The following AUTS2 variants were observed in gnomAD, a reference collection of about 807,000 sequenced individuals.
AUTS2 encodes the protein activator of transcription and developmental regulator AUTS2, also known as autism susceptibility gene 2 protein.
Under a neutral mutation model 112.4 loss-of-function variants are expected in AUTS2, and 17 were observed. The ratio of observed to expected loss-of-function variants is 0.15; its 90% CI spans 0.10 to 0.23. The LOEUF (loss-of-function observed/expected upper bound fraction) is 0.23, where lower values mean the gene tolerates loss of function less well. AUTS2 is among the 10% of genes least tolerant of loss of function. The pLI, the probability that AUTS2 is intolerant of heterozygous loss-of-function variation, is 1.00. For synonymous variants in AUTS2, 751 were observed against 702.7 expected (o/e 1.07, Z -1.09); for missense variants, 1,510 against 1,701.6 (o/e 0.89, Z 1.98).
At chr7:70,117,835 G>A (rs1035040032) in intron 2 of AUTS2, among the ~76,000 whole-genome samples, 26 of 151,068 alleles carry the variant, frequency 1.7e-4, no homozygotes, top group Admixed American at 1.3e-3. Context: ...TGCAACCTCC[G>A]CCTCCCAGGT....
intron 2 of AUTS2, among the ~76,000 whole-genome samples, chr7:70,050,721 G>T (rs918165399): frequency 1.3e-5 from 2 of 152,230 alleles, no homozygotes; most frequent in East Asian, 3.9e-4. Context: ...GAAGCCAGGC[G>T]CGGTGGCTCA....
At chr7:70,700,888 C>T (rs1809420671) in intron 6 of AUTS2, among the ~76,000 whole-genome samples, 1 of 152,186 alleles carries the variant, frequency 6.6e-6, no homozygotes, top group South Asian at 2.1e-4. Flanking sequence ...GGCCTGCCTG[C>T]CTGAAAGTCA....
At chr7:69,845,981 G>C (rs561944284) in intron 1 of AUTS2, among the ~76,000 whole-genome samples, 4 of 152,292 alleles carry the variant, frequency 2.6e-5, no homozygotes, top group African/African-American at 4.8e-5. Context: ...AGAGGTTCAT[G>C]ATGAGGAGCT....
At chr7:69,631,684 G>A (rs920704454) in intron 1 of AUTS2, among the ~76,000 whole-genome samples, 5 of 152,150 alleles carry the variant, frequency 3.3e-5, no homozygotes, top group African/African-American at 1.2e-4. Context: ...CATGTCCATT[G>A]AATTGCTTAA....
intron 2 of AUTS2, among the ~76,000 whole-genome samples, chr7:69,977,188 T>C (rs778612866): frequency 1.3e-5 from 2 of 152,332 alleles, no homozygotes; most frequent in South Asian, 2.1e-4. Context: ...ACACCATTTG[T>C]TGAATAAACT....
chr7:70,373,486 A>G (rs1352424143), intron 4 of AUTS2, among the ~76,000 whole-genome samples: 2 of 151,940 alleles, frequency 1.3e-5, no homozygotes, highest in Non-Finnish European at 2.9e-5. Flanking sequence ...TACTACTGAG[A>G]ATTTGCTTGT....
At chr7:70,001,447 T>C (rs1799188378) in intron 2 of AUTS2, among the ~76,000 whole-genome samples, 2 of 151,818 alleles carry the variant, frequency 1.3e-5, no homozygotes, top group South Asian at 4.2e-4. Context: ...ATAAAGACTA[T>C]AAAGGGAAGG....
At chr7:70,327,264 G>A (rs953079785) in intron 4 of AUTS2, among the ~76,000 whole-genome samples, 1 of 152,134 alleles carries the variant, frequency 6.6e-6, no homozygotes, top group Non-Finnish European at 1.5e-5. Context: ...TTAAATGGAG[G>A]TCTTTATGTT....
intron 4 of AUTS2, among the ~76,000 whole-genome samples, chr7:70,167,697 A>G (rs1484617485): frequency 1.3e-5 from 2 of 152,232 alleles, no homozygotes; most frequent in Non-Finnish European, 2.9e-5. Context: ...AAGCATTGAA[A>G]TGATGCAAAT....
At chr7:70,575,862 T>G (rs1802143074) in intron 5 of AUTS2, among the ~76,000 whole-genome samples, 1 of 152,218 alleles carries the variant, frequency 6.6e-6, no homozygotes, top group African/African-American at 2.4e-5. Flanking sequence ...CACATCATTC[T>G]GCCCTGCCTC....
intron 1 of AUTS2, among the ~76,000 whole-genome samples, chr7:69,663,514 A>G (rs1270455964): frequency 6.6e-6 from 1 of 152,188 alleles, no homozygotes; most frequent in African/African-American, 2.4e-5. Flanking sequence ...TCATTTCTTC[A>G]ACTCTAACAG....
intron 5 of AUTS2, among the ~76,000 whole-genome samples, chr7:70,590,800 A>C (rs551987518): frequency 6.6e-6 from 1 of 152,362 alleles, no homozygotes; most frequent in South Asian, 2.1e-4. Context: ...GTAGTTGTGA[A>C]TGGAAAACTC....
At chr7:70,294,992 G>A (rs898708866) in intron 4 of AUTS2, among the ~76,000 whole-genome samples, 6 of 152,122 alleles carry the variant, frequency 3.9e-5, no homozygotes, top group African/African-American at 1.4e-4. Context: ...TACTCACTTC[G>A]AAATGATTTC....
At position 70,790,335 on chromosome 7, in the gene AUTS2, T is replaced by C. The variant is rs988960317; in HGVS notation, c.3119T>C (p.Leu1040Pro). 1.9e-6 allele frequency: 3 copies of C among 1,613,680 alleles called. No homozygotes were observed. In the African/African-American group the frequency reaches 4.0e-5, roughly 22 times the overall value. The stretch of plus-strand genomic sequence containing the variant: ...CACCCCATGAACAGCATCAGCAGCC[T>C]GGACAGGACTCGCATGATGACCCCC... ...GIHPMNSISS[L>P]DRTRMMTPFM... Residue 1040 changes from leucine (L) to proline (P), a missense_variant, in exon 19 of 19, where the codon CTG becomes CCG. Physicochemically the swap from Leu to Pro is moderately conservative, Grantham distance 98. Coordinates refer to ENST00000342771, the MANE Select transcript of AUTS2 (RefSeq NM_015570.4). This position sits in a 1 kb window ranked among gnomAD's most constrained non-coding sequence, Gnocchi z 7.6.
intron 4 of AUTS2, among the ~76,000 whole-genome samples, chr7:70,242,812 A>G (rs1032649601): frequency 1.3e-5 from 2 of 152,132 alleles, no homozygotes; most frequent in African/African-American, 2.4e-5. Context: ...TGATTTGCCA[A>G]TTTTTTATGA....
At chr7:70,131,650 A>G (rs1042214564) in intron 3 of AUTS2, among the ~76,000 whole-genome samples, 2 of 152,098 alleles carry the variant, frequency 1.3e-5, no homozygotes, top group African/African-American at 2.4e-5. Flanking sequence ...GCCTGTGTTC[A>G]TATAATTTCT....
rs1266566437 is a variant in AUTS2, at chr7:70,501,054, G to A, written c.690+65273G>A. Among the ~76,000 whole-genome samples, 5 of 152,110 alleles carry A rather than the reference G, an allele frequency of 3.3e-5. No homozygotes were observed. The East Asian group carries it at 7.7e-4, about 23-fold the overall frequency. On this transcript the variant is annotated intron_variant, in intron 5 of 18. Coordinates refer to ENST00000342771, the MANE Select transcript of AUTS2 (RefSeq NM_015570.4). ...GATACCTCCCAAAGTATGCATGAAG[G>A]ACAATAATTTGAGATATGAGGAAAA...
At chr7:70,196,649 G>A (rs1443060356) in intron 4 of AUTS2, among the ~76,000 whole-genome samples, 1 of 152,182 alleles carries the variant, frequency 6.6e-6, no homozygotes, top group Non-Finnish European at 1.5e-5. Context: ...TATGAAATTA[G>A]GTTCTTAAAT....
At chr7:70,301,939 T>G (rs1378538443) in intron 4 of AUTS2, among the ~76,000 whole-genome samples, 30 of 73,786 alleles carry the variant, frequency 4.1e-4, no homozygotes, top group South Asian at 1.4e-3. Flanking sequence ...TTTTTGTGGT[T>G]TTTTTTTTTG....
Sources: allele counts gnomAD v4.1 joint callset (sites outside exome capture counted in the v4.1 genomes callset), GRCh38; gene constraint gnomAD v4.1.1; non-coding constraint Gnocchi (gnomAD v3.1); transcripts MANE v1.5; gene names NCBI Gene and HGNC (gene_info 2026-07-23, HGNC 2026-07-21).